DCP1A: variants seen among roughly 807,000 people sequenced by gnomAD.
DCP1A encodes mRNA-decapping enzyme 1A.
In DCP1A, 20 loss-of-function variants were observed where a neutral mutation model predicts 58.0. The observed-to-expected ratio is 0.34, with a 90% confidence interval of 0.24 to 0.50. The LOEUF is 0.50. Ranked by LOEUF, DCP1A falls within the 20% of genes least tolerant of loss-of-function variation. DCP1A has a pLI of 0.98. For synonymous variants in DCP1A, 285 were observed against 275.1 expected (o/e 1.04, Z -0.36); for missense variants, 613 against 712.2 (o/e 0.86, Z 1.59).
chr3:53,288,871 G>A (rs537319241), intron 8 of DCP1A, among the ~76,000 whole-genome samples: 2 of 152,196 alleles, frequency 1.3e-5, no homozygotes, highest in African/African-American at 4.8e-5. Flanking sequence ...ACAAAAATTA[G>A]CTGGGCATGG....
rs114535772 is a variant in DCP1A, at chr3:53,325,815, G to C, written c.305-6342C>G. On this transcript the variant is annotated intron_variant, in intron 3 of 9. Transcript: ENST00000610213. ...ACACACACAGGAAAAAGGATATGGA[G>C]CCTAAGACTGACTGACGTGGGATCA... is the stretch of plus-strand genomic sequence containing the variant. Among the ~76,000 whole-genome samples the C allele has an allele frequency of 6.0e-3, 911 of 152,294 alleles. 9 individuals carry two copies. The highest frequency in any genetic ancestry group is 0.021 in the African/African-American group (880 of 41,554).
At chr3:53,292,858 G>A in intron 6 of DCP1A, 31 bp from the exon 7 acceptor site, 1 of 1,578,760 alleles carries the variant, frequency 6.3e-7, no homozygotes, top group Non-Finnish European at 8.6e-7. Flanking sequence ...CCCAGTCAAA[G>A]AGGTCTGTTA....
chr3:53,334,027 C>CAGG (rs1553691634), intron 3 of DCP1A, among the ~76,000 whole-genome samples: 1 of 151,922 alleles, frequency 6.6e-6, no homozygotes, highest in Non-Finnish European at 1.5e-5. Flanking sequence ...TTTGGGAGGC[C>CAGG]AAGACAGGAG....
chr3:53,312,668 G>C (rs1205388344), intron 4 of DCP1A, among the ~76,000 whole-genome samples: 1 of 151,836 alleles, frequency 6.6e-6, no homozygotes, highest in African/African-American at 2.4e-5. Context: ...CTAATGTTTT[G>C]TATTTTTAGT....
At chr3:53,305,354 T>TTC (rs1707438263) in intron 5 of DCP1A, among the ~76,000 whole-genome samples, 1 of 151,990 alleles carries the variant, frequency 6.6e-6, no homozygotes, top group Non-Finnish European at 1.5e-5. Flanking sequence ...AATTTTTTTT[T>TTC]CTTTTTTTTT....
At chr3:53,301,275 TTTC>T (rs1474889680) in intron 6 of DCP1A, among the ~76,000 whole-genome samples, 6 of 151,208 alleles carry the variant, frequency 4.0e-5, no homozygotes, top group African/African-American at 1.4e-4. Flanking sequence ...TGGTGGTTTC[TTTC>T]TTTTTTTTTT....
chr3:53,347,526 C>G lies in DCP1A; in HGVS notation c.-9G>C. On this transcript the variant is annotated 5_prime_UTR_variant, in exon 1 of 10. Transcript: ENST00000610213. ...CGACTCAGCGCCTCCATCTTGAATC[C>G]CAGAGCCTAGCCCCTCTGGTGGGGG... 6.2e-7 allele frequency: 1 copy of G among 1,608,018 alleles called. No individual in the cohort carries two copies. Among genetic ancestry groups the G allele is most frequent in the Non-Finnish European group, 8.5e-7 (1 of 1,177,048 alleles).
At chr3:53,308,272 T>C (rs183775652) in intron 5 of DCP1A, among the ~76,000 whole-genome samples, 31 of 152,258 alleles carry the variant, frequency 2.0e-4, no homozygotes, top group African/African-American at 7.0e-4. Context: ...AATAATGGTG[T>C]TCATGTTTAT....
chr3:53,329,851 T>C (rs1485007412), intron 3 of DCP1A, among the ~76,000 whole-genome samples: 5 of 152,238 alleles, frequency 3.3e-5, no homozygotes, highest in African/African-American at 1.2e-4. Context: ...GTTGTCCTTA[T>C]AAATGATAAA....
intron 5 of DCP1A, among the ~76,000 whole-genome samples, chr3:53,308,557 A>G (rs542955987): frequency 6.6e-6 from 1 of 152,292 alleles, no homozygotes; most frequent in African/African-American, 2.4e-5. Context: ...CTGGGATTAT[A>G]GACATAGCCA....
intron 2 of DCP1A, among the ~76,000 whole-genome samples, chr3:53,342,662 C>G (rs1262666041): frequency 6.6e-6 from 1 of 152,210 alleles, no homozygotes; most frequent in Admixed American, 6.5e-5. Context: ...AGCTGCACAG[C>G]TATCTCATCT....
chr3:53,311,140 T>A (rs1707631817), intron 5 of DCP1A, among the ~76,000 whole-genome samples: 1 of 152,242 alleles, frequency 6.6e-6, no homozygotes, highest in Non-Finnish European at 1.5e-5. Flanking sequence ...GAAGCTTTTT[T>A]CAGGATCACT....
At chr3:53,337,226 G>A (rs1343176357) in intron 3 of DCP1A, among the ~76,000 whole-genome samples, 1 of 152,086 alleles carries the variant, frequency 6.6e-6, no homozygotes, top group Non-Finnish European at 1.5e-5. Context: ...AGGCTTTCTA[G>A]TAATGGCCCC....
intron 5 of DCP1A, among the ~76,000 whole-genome samples, chr3:53,304,736 C>A (rs541893465): frequency 6.8e-6 from 1 of 148,008 alleles, no homozygotes; most frequent in African/African-American, 2.4e-5. Flanking sequence ...CCATGTCCAG[C>A]TGGTTTTTCT....
At chr3:53,314,025 A>G (rs1707727249) in intron 4 of DCP1A, among the ~76,000 whole-genome samples, 1 of 151,916 alleles carries the variant, frequency 6.6e-6, no homozygotes, top group Non-Finnish European at 1.5e-5. Flanking sequence ...ATGAATTACC[A>G]CAACCCACCC....
Position 53,292,641 on chromosome 3 carries a change from A to G in DCP1A, c.811T>C (p.Ser271Pro). The change falls in exon 7 of 10, where the codon TCA becomes CCA. Residue 271 changes from serine (S) to proline (P), a missense_variant. Ser to Pro is a moderately conservative substitution (Grantham distance 74, BLOSUM62 -1). This residue lies in a region of DCP1A where 498 missense variants were observed against 556.7 expected (regional missense o/e 0.89). Transcript: ENST00000610213. ...PFEQLGGAPQSETLGVPSAAH... is the reference protein window; with the variant it reads ...PFEQLGGAPQPETLGVPSAAH... Reference sequence around the variant, plus strand: ...GCAGAAGGGACACCCAGGGTTTCTGATTGAGGGGCTCCTCCTAACTGCTCA... The same window carrying G: ...GCAGAAGGGACACCCAGGGTTTCTGGTTGAGGGGCTCCTCCTAACTGCTCA... The G allele has an allele frequency of 1.2e-6, 2 of 1,613,642 alleles. No homozygotes were observed. Among genetic ancestry groups the G allele is most frequent in the Non-Finnish European group, 1.7e-6 (2 of 1,179,772 alleles).
chr3:53,289,902 T>C (rs1215905385), intron 8 of DCP1A, among the ~76,000 whole-genome samples: 1 of 152,224 alleles, frequency 6.6e-6, no homozygotes, highest in African/African-American at 2.4e-5. Flanking sequence ...GGTATGGTTT[T>C]TGGCATCTGA....
At chr3:53,312,498 T>C (rs1021083154) in intron 4 of DCP1A, 119 bp from the exon 5 acceptor site, 92 of 705,312 alleles carry the variant, frequency 1.3e-4, no homozygotes, top group Middle Eastern at 2.8e-4. Context: ...CATTCTTCTT[T>C]TTTTTTTTTT....
chr3:53,327,569 C>T (rs1419918222), intron 3 of DCP1A, among the ~76,000 whole-genome samples: 1 of 152,050 alleles, frequency 6.6e-6, no homozygotes, highest in Admixed American at 6.6e-5. Flanking sequence ...GTGGGTGGAT[C>T]ACTTGAGGCC....
Sources: allele counts gnomAD v4.1 joint callset (sites outside exome capture counted in the v4.1 genomes callset), GRCh38; gene constraint gnomAD v4.1.1; regional missense constraint gnomAD v4.1.1; transcripts MANE v1.5; gene names NCBI Gene and HGNC (gene_info 2026-07-23, HGNC 2026-07-21).